CCDC138: variants seen among roughly 807,000 people sequenced by gnomAD.
The protein encoded by CCDC138 is coiled-coil domain-containing protein 138.
Under a neutral mutation model 82.3 loss-of-function variants are expected in CCDC138, and 66 were observed. The observed-to-expected ratio is 0.80, with a 90% CI of 0.66 to 0.98. The LOEUF is 0.98. Among genes scored for constraint, CCDC138 ranks in the 50% least tolerant of loss-of-function variants. The probability of loss-of-function intolerance (pLI) is 0.00; values close to 1 mark genes in which losing one functional copy is unlikely to be tolerated. For synonymous variants in CCDC138, 297 were observed against 265.4 expected (o/e 1.12, Z -1.16); for missense variants, 816 against 758.9 (o/e 1.08, Z -0.88).
chr2:108,805,777 CATAA>C (rs1682772407), intron 7 of CCDC138, among the ~76,000 whole-genome samples: 3 of 151,956 alleles, frequency 2.0e-5, no homozygotes, highest in Non-Finnish European at 2.9e-5. Context: ...AGTTGCATAA[CATAA>C]ATAGTTTTGT....
Position 108,798,413 on chromosome 2 carries a change from G to A in CCDC138, c.577-15G>A, listed in dbSNP as rs1573948869. ...TGACTTTTCAAGAGCATTAAAGTCT[G>A]GCATTTTGATACAGTGTGAAACTGC... On this transcript the variant is annotated splice_polypyrimidine_tract_variant and intron_variant, in intron 5 of 14. Transcript: ENST00000295124. 1 of 1,600,094 alleles carries A rather than the reference G, an allele frequency of 6.2e-7. No individual in the cohort carries two copies. The highest frequency in any genetic ancestry group is 8.5e-7 in the Non-Finnish European group (1 of 1,173,484).
At chr2:108,879,746 CATT>C (rs778190507), downstream of CCDC138, among the ~76,000 whole-genome samples, 71 of 152,160 alleles carry the variant, frequency 4.7e-4, 1 homozygote, top group East Asian at 9.7e-3. Context: ...AAGCCGCTAT[CATT>C]GTTGTGACTA....
At position 108,798,488 on chromosome 2, in the gene CCDC138, C is replaced by T. The variant is rs997306332; in HGVS notation, c.637C>T (p.Leu213Phe). The change falls in exon 6 of 15, where the codon CTT (leucine) becomes TTT (phenylalanine). Residue 213 changes from leucine to phenylalanine, a missense_variant. Physicochemically the swap from Leu to Phe is conservative, Grantham distance 22. Coordinates refer to ENST00000295124, the MANE Select transcript of CCDC138 (RefSeq NM_144978.3). The stretch of plus-strand genomic sequence containing the variant: ...ACTTCAAAAGCGAGAACGTTTTTTA[C>T]TTGAAAGAGAACAACTGCTTTTCAG... ...EELQKRERFL[L>F]EREQLLFRHE... 1.9e-6 allele frequency: 3 copies of T among 1,613,800 alleles called. No individual in the cohort carries two copies. The highest frequency in any genetic ancestry group is 2.5e-6 in the Non-Finnish European group (3 of 1,179,866).
chr2:108,876,856 G>C (rs1696055793), downstream of CCDC138, among the ~76,000 whole-genome samples: 1 of 152,062 alleles, frequency 6.6e-6, no homozygotes, highest in Non-Finnish European at 1.5e-5. Flanking sequence ...ACATTGAAAG[G>C]TAAACAAAAA....
At chr2:108,798,373 AATT>A (rs1295886617) in intron 5 of CCDC138, 52 bp from the exon 6 acceptor site, 38 of 1,568,036 alleles carry the variant, frequency 2.4e-5, no homozygotes, top group Non-Finnish European at 3.3e-5. Context: ...ATAGGAATAT[AATT>A]TGCAGAATTT....
intron 5 of CCDC138, among the ~76,000 whole-genome samples, chr2:108,795,886 G>A (rs1680785231): frequency 6.6e-6 from 1 of 152,186 alleles, no homozygotes. Flanking sequence ...AGAGTAAAAA[G>A]TCAGGTTTTA....
intron 13 of CCDC138, among the ~76,000 whole-genome samples, chr2:108,863,190 CTATTA>C (rs1234703246): frequency 6.6e-6 from 1 of 151,932 alleles, no homozygotes; most frequent in Non-Finnish European, 1.5e-5. Context: ...TTCAATCGTT[CTATTA>C]TGTTTTTTAT....
downstream of CCDC138, among the ~76,000 whole-genome samples, chr2:108,878,018 A>AAGCTGT (rs1696142399): frequency 6.6e-6 from 1 of 152,240 alleles, no homozygotes; most frequent in Admixed American, 6.5e-5. Flanking sequence ...CAATGGAATG[A>AAGCTGT]CAGCTTCAGA....
At chr2:108,831,718 T>TTCCTTCCTTCCTTCCTTCCTTCCTTCCG (rs1558692912) in intron 10 of CCDC138, among the ~76,000 whole-genome samples, 1 of 151,712 alleles carries the variant, frequency 6.6e-6, no homozygotes, top group South Asian at 2.1e-4. Context: ...CCTTCCTTCC[T>TTCCTTCCTTCCTTCCTTCCTTCCTTCCG]TCCTTCCTTC....
At chr2:108,874,383 G>A (rs1241783076) in intron 14 of CCDC138, among the ~76,000 whole-genome samples, 1 of 152,084 alleles carries the variant, frequency 6.6e-6, no homozygotes, top group Non-Finnish European at 1.5e-5. Flanking sequence ...TGTATAACCA[G>A]TTACTAAACT....
chr2:108,870,098 A>G (rs1418275244), intron 13 of CCDC138, among the ~76,000 whole-genome samples: 2 of 152,248 alleles, frequency 1.3e-5, no homozygotes, highest in African/African-American at 2.4e-5. Context: ...AATATGCTCA[A>G]TGAGTTAATG....
At chr2:108,883,600 C>G (rs1696350561) in intron 2 of CCDC138, 1 of 152,406 alleles carries the variant, frequency 6.6e-6, no homozygotes, top group South Asian at 2.1e-4. Flanking sequence ...GTTTCAGCCT[C>G]ACTGGCTGGG....
At chr2:108,855,250 CA>C (rs1692387391) in intron 12 of CCDC138, among the ~76,000 whole-genome samples, 1 of 152,024 alleles carries the variant, frequency 6.6e-6, no homozygotes, top group African/African-American at 2.4e-5. Context: ...AAACCAAATA[CA>C]GTTTTTCTAA....
chr2:108,834,062 T>C (rs1301518264), intron 10 of CCDC138, among the ~76,000 whole-genome samples: 1 of 151,490 alleles, frequency 6.6e-6, no homozygotes, highest in East Asian at 1.9e-4. Context: ...GAGTAAACTT[T>C]TTGCAGTAGA....
chr2:108,830,725 T>C (rs1030656327), intron 10 of CCDC138, among the ~76,000 whole-genome samples: 2 of 152,036 alleles, frequency 1.3e-5, no homozygotes, highest in Non-Finnish European at 2.9e-5. Context: ...AGAGAGTCGC[T>C]TGAACCCAGG....
intron 12 of CCDC138, among the ~76,000 whole-genome samples, chr2:108,849,008 G>A (rs1212512416): frequency 1.3e-5 from 2 of 152,090 alleles, no homozygotes; most frequent in African/African-American, 2.4e-5. Flanking sequence ...ACATGAGCCT[G>A]GTAAGGGGAT....
intron 12 of CCDC138, among the ~76,000 whole-genome samples, chr2:108,849,833 A>C (rs1391496858): frequency 1.3e-5 from 2 of 152,236 alleles, no homozygotes; most frequent in Admixed American, 1.3e-4. Flanking sequence ...GCCAAGGTAC[A>C]TGCTGCTGCC....
intron 12 of CCDC138, among the ~76,000 whole-genome samples, chr2:108,849,427 C>G (rs1274232268): frequency 1.3e-5 from 2 of 152,118 alleles, no homozygotes; most frequent in African/African-American, 2.4e-5. Context: ...TGTGTGCCAT[C>G]CCTTTCCTCC....
intron 13 of CCDC138, among the ~76,000 whole-genome samples, chr2:108,865,544 A>T (rs1225474362): frequency 2.0e-5 from 3 of 152,182 alleles, no homozygotes; most frequent in African/African-American, 7.2e-5. Context: ...CTCATTCTGG[A>T]GAAGACCCTC....
Sources: allele counts gnomAD v4.1 joint callset (sites outside exome capture counted in the v4.1 genomes callset), GRCh38; gene constraint gnomAD v4.1.1; transcripts MANE v1.5; gene names NCBI Gene and HGNC (gene_info 2026-07-23, HGNC 2026-07-21).